PLCE1: variants seen among roughly 807,000 people sequenced by gnomAD.
PLCE1 encodes 1-phosphatidylinositol 4,5-bisphosphate phosphodiesterase epsilon-1.
A neutral mutation model predicts 242.8 loss-of-function variants in PLCE1; 119 were observed. That is an observed-to-expected ratio of 0.49 (90% CI 0.42 to 0.57). The LOEUF (loss-of-function observed/expected upper bound fraction) is 0.57. Ranked by LOEUF, PLCE1 falls within the 20% of genes least tolerant of loss-of-function variation. PLCE1 has a pLI of 0.00. For missense variants in PLCE1, 2,441 were observed against 2,788.8 expected (o/e 0.88, Z 2.81); for synonymous variants, 945 against 1,017.4 (o/e 0.93, Z 1.35).
chr10:94,239,023 G>C (rs544840412), intron 7 of PLCE1, among the ~76,000 whole-genome samples: 17 of 152,076 alleles, frequency 1.1e-4, no homozygotes, highest in African/African-American at 4.1e-4. Flanking sequence ...CTAAGCCTCA[G>C]TTTTGTCATC....
intron 3 of PLCE1, among the ~76,000 whole-genome samples, chr10:94,148,673 G>A (rs1369581694): frequency 6.6e-6 from 1 of 152,178 alleles, no homozygotes; most frequent in African/African-American, 2.4e-5. Flanking sequence ...AGAGAGAAAG[G>A]ATGGAAGAAA....
chr10:94,156,769 G>A (rs1240305653), intron 3 of PLCE1, among the ~76,000 whole-genome samples: 1 of 151,988 alleles, frequency 6.6e-6, no homozygotes, highest in Non-Finnish European at 1.5e-5. Flanking sequence ...CCCTCGTCTT[G>A]AAGCTATCCA....
intron 1 of PLCE1, among the ~76,000 whole-genome samples, chr10:94,019,312 T>G (rs1033069127): frequency 6.6e-6 from 1 of 152,196 alleles, no homozygotes; most frequent in African/African-American, 2.4e-5. Flanking sequence ...CAAGTGGGAT[T>G]GAAATGCAGC....
intron 2 of PLCE1, among the ~76,000 whole-genome samples, chr10:94,113,092 T>C (rs1018411136): frequency 3.9e-5 from 6 of 152,050 alleles, no homozygotes; most frequent in African/African-American, 1.4e-4. Context: ...TGGTGGTTGC[T>C]TAGGGCTAGT....
intron 22 of PLCE1, among the ~76,000 whole-genome samples, chr10:94,292,249 A>G (rs2052668579): frequency 6.6e-6 from 1 of 152,188 alleles, no homozygotes; most frequent in Non-Finnish European, 1.5e-5. Flanking sequence ...TGGACTGAGC[A>G]CTTCCCTGAA....
intron 13 of PLCE1, 102 bp downstream of exon 13, chr10:94,259,252 C>A: frequency 8.8e-7 from 1 of 1,136,366 alleles, no homozygotes; most frequent in African/African-American, 1.5e-5. Flanking sequence ...ACATAGTGTG[C>A]TATTACTGCT....
intron 22 of PLCE1, among the ~76,000 whole-genome samples, chr10:94,290,715 A>T (rs556878715): frequency 6.6e-6 from 1 of 151,998 alleles, no homozygotes. Context: ...ATATATATAC[A>T]CACACACATA....
chr10:94,145,406 C>T (rs1350246158), intron 3 of PLCE1, among the ~76,000 whole-genome samples: 1 of 152,186 alleles, frequency 6.6e-6, no homozygotes, highest in Non-Finnish European at 1.5e-5. Flanking sequence ...TCCCCCTACC[C>T]CATGCCATAC....
intron 23 of PLCE1, among the ~76,000 whole-genome samples, chr10:94,297,122 C>T (rs1275381269): frequency 6.6e-6 from 1 of 152,210 alleles, no homozygotes; most frequent in Non-Finnish European, 1.5e-5. Flanking sequence ...CCCGCCTCAG[C>T]CTCCCAAAGT....
intron 2 of PLCE1, among the ~76,000 whole-genome samples, chr10:94,083,165 A>G (rs1031756000): frequency 3.3e-5 from 5 of 152,180 alleles, no homozygotes; most frequent in African/African-American, 1.2e-4. Flanking sequence ...TTGCCAATAA[A>G]GGGTGCTGTT....
At chr10:94,163,657 T>C (rs901835790) in intron 3 of PLCE1, among the ~76,000 whole-genome samples, 5 of 152,136 alleles carry the variant, frequency 3.3e-5, no homozygotes, top group Admixed American at 3.3e-4. Context: ...CCCATTTACA[T>C]TTAAGGTTAA....
At chr10:94,022,816 A>T (rs968412680) in intron 1 of PLCE1, among the ~76,000 whole-genome samples, 17 of 152,248 alleles carry the variant, frequency 1.1e-4, no homozygotes, top group African/African-American at 4.1e-4. Flanking sequence ...AGTTTCAGAG[A>T]CTGGAAGCCC....
At chr10:94,249,168 C>T (rs142321028) in intron 8 of PLCE1, among the ~76,000 whole-genome samples, 1 of 152,210 alleles carries the variant, frequency 6.6e-6, no homozygotes, top group Non-Finnish European at 1.5e-5. Flanking sequence ...TCTACATGAG[C>T]CATTTATGAA....
chr10:94,118,291 G>A, intron 2 of PLCE1, among the ~76,000 whole-genome samples: 1 of 151,786 alleles, frequency 6.6e-6, no homozygotes, highest in Non-Finnish European at 1.5e-5. Flanking sequence ...CTGACTATAG[G>A]GTAGGCCCAG....
intron 26 of PLCE1, among the ~76,000 whole-genome samples, chr10:94,307,262 A>G (rs951478585): frequency 6.6e-6 from 1 of 152,216 alleles, no homozygotes; most frequent in African/African-American, 2.4e-5. Context: ...TGGTAATACC[A>G]TGCAGATCGT....
chr10:94,033,753 T>A (rs773124024), intron 2 of PLCE1, among the ~76,000 whole-genome samples: 1 of 152,148 alleles, frequency 6.6e-6, no homozygotes, highest in Non-Finnish European at 1.5e-5. Context: ...TGAAAACTCT[T>A]GCTTCCTTCA....
In PLCE1 at chr10:94,031,208, C is replaced by T. The variant is rs757233808; in HGVS notation, c.162C>T (p.Ile54=). ...VRRSGETSHT[I]SQLNKLKEEP... ...GAAGTGGGGAGACTTCTCATACCAT[C>T]TCACAACTGAACAAACTTAAAGAAG... The change falls in exon 2 of 33, where the codon ATC becomes ATT. Residue 54 remains isoleucine, a synonymous_variant. Coordinates refer to ENST00000371380, the MANE Select transcript of PLCE1 (RefSeq NM_016341.4). 1.9e-6 allele frequency: 3 copies of T among 1,613,676 alleles called. No homozygotes were observed. Among genetic ancestry groups the T allele is most frequent in the Non-Finnish European group, 2.5e-6 (3 of 1,179,828 alleles).
Position 94,301,146 on chromosome 10 carries a change from A to T in PLCE1, c.5458+2477A>T, listed in dbSNP as rs191068487. Among the ~76,000 whole-genome samples the T allele has an allele frequency of 7.2e-5, 11 of 152,040 alleles. No individual in the cohort carries two copies. In the East Asian group the frequency reaches 1.9e-3, roughly 27 times the overall value. The stretch of plus-strand genomic sequence containing the variant: ...GATCACCTGAGGTCAGGAGTTCAAG[A>T]CCAGCCTGGCCAACATGGTAAAACC... On this transcript the variant is annotated intron_variant, in intron 24 of 32. Transcript: ENST00000371380.
At chr10:94,102,174 A>G (rs1373678204) in intron 2 of PLCE1, among the ~76,000 whole-genome samples, 1 of 152,206 alleles carries the variant, frequency 6.6e-6, no homozygotes, top group Non-Finnish European at 1.5e-5. Context: ...CCCATTATCT[A>G]CATTATTCAC....
Sources: allele counts gnomAD v4.1 joint callset (sites outside exome capture counted in the v4.1 genomes callset), GRCh38; gene constraint gnomAD v4.1.1; transcripts MANE v1.5; gene names NCBI Gene and HGNC (gene_info 2026-07-23, HGNC 2026-07-21).